COL25A1: variants seen among roughly 807,000 people sequenced by gnomAD.
COL25A1 encodes the protein collagen type XXV alpha 1 chain, also known as collagen alpha-1(XXV) chain.
A neutral mutation model predicts 128.4 loss-of-function variants in COL25A1; 103 were observed. The ratio of observed to expected loss-of-function variants is 0.80; its 90% CI spans 0.68 to 0.94. The LOEUF (loss-of-function observed/expected upper bound fraction) is 0.94, where lower values mean the gene tolerates loss of function less well. Ranked by LOEUF, COL25A1 falls within the 40% of genes least tolerant of loss-of-function variation. The pLI is 0.00. For synonymous variants in COL25A1, 279 were observed against 277.2 expected (o/e 1.01, Z -0.06); for missense variants, 745 against 840.0 (o/e 0.89, Z 1.40).
At chr4:109,062,393 T>A (rs535138459) in intron 3 of COL25A1, among the ~76,000 whole-genome samples, 2 of 152,352 alleles carry the variant, frequency 1.3e-5, no homozygotes, top group South Asian at 4.1e-4. Context: ...CATTTTATTA[T>A]GATATCAAGT....
intron 3 of COL25A1, among the ~76,000 whole-genome samples, chr4:109,175,503 A>G (rs116701957): frequency 0.019 from 2,909 of 152,294 alleles, 88 homozygotes; most frequent in South Asian, 0.14. Context: ...CATATAAAAC[A>G]CAATTGTGAT....
chr4:109,294,923 C>T (rs1357158211), intron 3 of COL25A1, among the ~76,000 whole-genome samples: 1 of 151,960 alleles, frequency 6.6e-6, no homozygotes, highest in African/African-American at 2.4e-5. Flanking sequence ...TAAGAGGATG[C>T]CCCTTCTCCA....
intron 8 of COL25A1, among the ~76,000 whole-genome samples, chr4:108,945,956 C>T (rs1748691662): frequency 1.3e-5 from 2 of 152,166 alleles, no homozygotes; most frequent in Non-Finnish European, 2.9e-5. Context: ...TGAGCCACTG[C>T]ACCTGGCCTG....
At chr4:108,825,263 TTTGTGAATAGATTA>T in intron 33 of COL25A1, 41 bp from the exon 34 acceptor site, 1 of 1,546,416 alleles carries the variant, frequency 6.5e-7, no homozygotes, top group South Asian at 1.1e-5. Flanking sequence ...GTTTCTAAGT[TTTGTGAATAGATTA>T]TTGCTTTATT....
chr4:109,075,640 A>C (rs1259327468), intron 3 of COL25A1, among the ~76,000 whole-genome samples: 1 of 152,154 alleles, frequency 6.6e-6, no homozygotes, highest in African/African-American at 2.4e-5. Context: ...CATTGAAAAA[A>C]TGTAGCCCCA....
chr4:109,069,701 C>T (rs1253285083), intron 3 of COL25A1, among the ~76,000 whole-genome samples: 1 of 152,134 alleles, frequency 6.6e-6, no homozygotes, highest in African/African-American at 2.4e-5. Flanking sequence ...AAGACAAGAA[C>T]ACTTTCTGGG....
chr4:108,852,617 C>T (rs997871932), intron 25 of COL25A1, among the ~76,000 whole-genome samples: 1 of 151,998 alleles, frequency 6.6e-6, no homozygotes, highest in Admixed American at 6.6e-5. Context: ...CACTCCTTAC[C>T]CCTCCACCCC....
intron 32 of COL25A1, among the ~76,000 whole-genome samples, chr4:108,829,983 C>G (rs928191263): frequency 6.6e-6 from 1 of 152,170 alleles, no homozygotes; most frequent in Non-Finnish European, 1.5e-5. Context: ...ACAATGCCAA[C>G]ATGTGGAAAA....
chr4:108,854,851 C>G (rs912820181), intron 24 of COL25A1, among the ~76,000 whole-genome samples: 1 of 152,094 alleles, frequency 6.6e-6, no homozygotes, highest in African/African-American at 2.4e-5. Context: ...ACCCAGCAAT[C>G]CTATTACTGG....
chr4:109,009,150 A>T (rs556181826), intron 6 of COL25A1, among the ~76,000 whole-genome samples: 4 of 152,262 alleles, frequency 2.6e-5, no homozygotes, highest in Non-Finnish European at 4.4e-5. Flanking sequence ...CAAAACAAAA[A>T]ACAAAAGAAA....
At chr4:108,846,898 T>C (rs1301858242) in intron 27 of COL25A1, among the ~76,000 whole-genome samples, 2 of 139,214 alleles carry the variant, frequency 1.4e-5, no homozygotes, top group Non-Finnish European at 3.0e-5. Flanking sequence ...CAAATCTGAA[T>C]TTTGTAATTT....
intron 3 of COL25A1, among the ~76,000 whole-genome samples, chr4:109,159,667 A>G (rs1016854120): frequency 6.6e-6 from 1 of 152,250 alleles, no homozygotes; most frequent in Non-Finnish European, 1.5e-5. Context: ...ATGAAGAAAA[A>G]TTTAAGGAAA....
intron 3 of COL25A1, among the ~76,000 whole-genome samples, chr4:109,195,125 A>G (rs112234195): frequency 6.6e-6 from 1 of 152,188 alleles, no homozygotes; most frequent in African/African-American, 2.4e-5. Flanking sequence ...AAAAATTAAT[A>G]TTAAAATAGA....
At chr4:108,940,966 T>C (rs1748015549) in intron 9 of COL25A1, among the ~76,000 whole-genome samples, 1 of 152,214 alleles carries the variant, frequency 6.6e-6, no homozygotes, top group Non-Finnish European at 1.5e-5. Flanking sequence ...ATAACAACAC[T>C]GCATCAGTTA....
intron 3 of COL25A1, among the ~76,000 whole-genome samples, chr4:109,266,825 G>A (rs1167004589): frequency 6.6e-6 from 1 of 152,076 alleles, no homozygotes; most frequent in South Asian, 2.1e-4. Context: ...CATGACTTTT[G>A]TGCTGTTAGC....
chr4:108,930,505 T>C (rs1452129076), intron 11 of COL25A1, among the ~76,000 whole-genome samples: 1 of 152,196 alleles, frequency 6.6e-6, no homozygotes, highest in East Asian at 1.9e-4. Flanking sequence ...CACAACAAAT[T>C]GGAAGAGAAG....
At chr4:109,237,909 T>C (rs1779580349) in intron 3 of COL25A1, among the ~76,000 whole-genome samples, 1 of 152,104 alleles carries the variant, frequency 6.6e-6, no homozygotes. Flanking sequence ...AGTAAAACAA[T>C]ATATTTTTTG....
At chr4:109,091,489 C>T (rs1764902496) in intron 3 of COL25A1, among the ~76,000 whole-genome samples, 1 of 152,124 alleles carries the variant, frequency 6.6e-6, no homozygotes. Context: ...GTTGTTTAAA[C>T]CGTTATTTTC....
chr4:109,127,283 G>A (rs1260563219), intron 3 of COL25A1, among the ~76,000 whole-genome samples: 1 of 152,128 alleles, frequency 6.6e-6, no homozygotes, highest in African/African-American at 2.4e-5. Flanking sequence ...CTTCAGCACT[G>A]CTTGGTCATA....
Sources: allele counts gnomAD v4.1 joint callset (sites outside exome capture counted in the v4.1 genomes callset), GRCh38; gene constraint gnomAD v4.1.1; transcripts MANE v1.5; gene names NCBI Gene and HGNC (gene_info 2026-07-23, HGNC 2026-07-21).